The following PHACTR1 variants were observed in gnomAD, a reference collection of about 807,000 sequenced individuals.
PHACTR1 encodes phosphatase and actin regulator 1.
Under a neutral mutation model 69.2 loss-of-function variants are expected in PHACTR1, and 16 were observed. That is an observed-to-expected ratio of 0.23 (90% CI 0.16 to 0.35). PHACTR1 has a LOEUF of 0.35. Among genes scored for constraint, PHACTR1 ranks in the 10% least tolerant of loss-of-function variants. The probability of loss-of-function intolerance (pLI) is 1.00; values close to 1 mark genes in which losing one functional copy is unlikely to be tolerated. For missense variants in PHACTR1, 510 were observed against 734.7 expected (o/e 0.69, Z 3.54); for synonymous variants, 312 against 284.5 (o/e 1.10, Z -0.97).
intron 6 of PHACTR1, among the ~76,000 whole-genome samples, chr6:13,176,097 C>G (rs975431685): frequency 6.6e-6 from 1 of 152,104 alleles, no homozygotes; most frequent in African/African-American, 2.4e-5. Context: ...CATGTAGAAA[C>G]CAGAGGAATG....
At chr6:13,022,844 C>T (rs1340255049) in intron 4 of PHACTR1, among the ~76,000 whole-genome samples, 2 of 151,894 alleles carry the variant, frequency 1.3e-5, no homozygotes, top group Non-Finnish European at 2.9e-5. Context: ...TGGCGAAACC[C>T]CGTCTCTACA....
intron 4 of PHACTR1, among the ~76,000 whole-genome samples, chr6:12,965,824 C>A (rs1481173749): frequency 6.6e-6 from 1 of 152,158 alleles, no homozygotes; most frequent in African/African-American, 2.4e-5. Flanking sequence ...TGAGACAAAA[C>A]TGCCATAAAT....
intron 4 of PHACTR1, among the ~76,000 whole-genome samples, chr6:12,964,192 A>C (rs998457990): frequency 2.0e-5 from 3 of 152,216 alleles, no homozygotes; most frequent in Non-Finnish European, 2.9e-5. Context: ...TCTAAAGACA[A>C]GGTATTGTGC....
chr6:13,129,374 A>T (rs907075359), intron 5 of PHACTR1, among the ~76,000 whole-genome samples: 1 of 152,162 alleles, frequency 6.6e-6, no homozygotes, highest in African/African-American at 2.4e-5. Flanking sequence ...AGAATGAATA[A>T]AAAAATCCAC....
At chr6:12,794,082 A>C (rs565599226) in intron 4 of PHACTR1, among the ~76,000 whole-genome samples, 28 of 152,322 alleles carry the variant, frequency 1.8e-4, no homozygotes, top group African/African-American at 5.5e-4. Context: ...TTAGAAAAAT[A>C]AGTTAATCTT....
At chr6:12,819,076 A>T (rs1775910404) in intron 4 of PHACTR1, among the ~76,000 whole-genome samples, 1 of 152,216 alleles carries the variant, frequency 6.6e-6, no homozygotes, top group South Asian at 2.1e-4. Flanking sequence ...GTGACTTGAA[A>T]ACCATGAACA....
intron 10 of PHACTR1, among the ~76,000 whole-genome samples, chr6:13,250,068 T>C (rs1050087933): frequency 1.1e-4 from 16 of 152,152 alleles, no homozygotes; most frequent in Admixed American, 3.9e-4. Flanking sequence ...ATTTACCTGC[T>C]CTCTGTGGCT....
chr6:12,885,161 G>A lies in PHACTR1; in HGVS notation c.250+135371G>A, dbSNP rs77118639. On this transcript the variant is annotated intron_variant, in intron 4 of 14. Transcript: ENST00000332995. ...GAGTGAGGTTGCCACACATCCCTGC[G>A]GAATGCAGGGAAGGTCCCGTGGAAC... is the stretch of plus-strand genomic sequence containing the variant. Among the ~76,000 whole-genome samples the A allele has an allele frequency of 6.2e-4, 94 of 152,284 alleles. 1 individual carries two copies. Among genetic ancestry groups the A allele is most frequent in the Admixed American group, 1.2e-3 (19 of 15,308 alleles).
intron 3 of PHACTR1, among the ~76,000 whole-genome samples, chr6:12,720,511 G>A (rs1428621330): frequency 6.6e-6 from 1 of 152,192 alleles, no homozygotes. Context: ...GGAGTGGTCA[G>A]AATTGTCACC....
chr6:13,283,172 G>T lies in PHACTR1; in HGVS notation c.1510-250G>T. On this transcript the variant is annotated intron_variant, in intron 12 of 14. Transcript: ENST00000332995. The surrounding 1 kb of genome is among the most constrained non-coding windows in gnomAD (Gnocchi z 4.7). ...TTTTTTAAGTTTAAAAAAAAAAAGA[G>T]CTTGGCCTAGAGGGTATGTAAGGGA... 1 of 301,400 alleles carries T rather than the reference G, an allele frequency of 3.3e-6. No homozygotes were observed. Among genetic ancestry groups the T allele is most frequent in the Non-Finnish European group, 5.9e-6 (1 of 168,298 alleles). 18.7% of individuals were successfully genotyped at this position (301,400 alleles called of 1,614,324 possible). A position where few individuals can be genotyped will look rare whatever the true frequency, so the allele number is the denominator to read the frequency against.
At chr6:13,262,175 C>CAG (rs1399418048) in intron 10 of PHACTR1, among the ~76,000 whole-genome samples, 1 of 151,996 alleles carries the variant, frequency 6.6e-6, no homozygotes, top group Admixed American at 6.6e-5. Flanking sequence ...TAGATGGAAT[C>CAG]AGAGATGGTT....
chr6:13,191,247 A>C (rs1231840071), intron 7 of PHACTR1, among the ~76,000 whole-genome samples: 3 of 152,180 alleles, frequency 2.0e-5, no homozygotes, highest in Admixed American at 6.5e-5. Context: ...TAAATGGAAA[A>C]AAAATGAATG....
chr6:13,028,138 T>TTTTG (rs199886347), intron 4 of PHACTR1, among the ~76,000 whole-genome samples: 3 of 152,180 alleles, frequency 2.0e-5, no homozygotes, highest in Admixed American at 6.5e-5. Context: ...ATGTCTTGTT[T>TTTTG]TTTGTTTGTT....
chr6:13,049,214 T>C (rs547419312), intron 4 of PHACTR1, among the ~76,000 whole-genome samples: 41 of 152,196 alleles, frequency 2.7e-4, no homozygotes, highest in East Asian at 1.2e-3. Context: ...TTCTTAAAGA[T>C]GTGATTATGG....
intron 4 of PHACTR1, among the ~76,000 whole-genome samples, chr6:12,847,357 A>G (rs1779394591): frequency 6.6e-6 from 1 of 152,236 alleles, no homozygotes; most frequent in South Asian, 2.1e-4. Context: ...AAGATTCAGC[A>G]ATCTCATCTA....
rs574429695 is a variant in PHACTR1 at position 12,933,397 on chromosome 6, A to G, written c.251-119968A>G. ...TCATGGAAAAGGACATATTTAATAAACTAGATGTTTAAAGGGATAATTTTA... is the reference window on the plus strand; with the variant it reads ...TCATGGAAAAGGACATATTTAATAAGCTAGATGTTTAAAGGGATAATTTTA... On this transcript the variant is annotated intron_variant, in intron 4 of 14. Transcript: ENST00000332995. Among the ~76,000 whole-genome samples, 13 of 152,362 alleles carry G rather than the reference A, an allele frequency of 8.5e-5. No individual in the cohort carries two copies. The East Asian group carries it at 1.7e-3, about 20-fold the overall frequency.
intron 4 of PHACTR1, among the ~76,000 whole-genome samples, chr6:12,752,081 C>T (rs1766691017): frequency 6.6e-6 from 1 of 152,194 alleles, no homozygotes; most frequent in Admixed American, 6.5e-5. Context: ...CCTACTGCTC[C>T]GCTGCTCAAA....
chr6:13,168,120 A>G (rs1760081012), intron 6 of PHACTR1, among the ~76,000 whole-genome samples: 1 of 152,200 alleles, frequency 6.6e-6, no homozygotes, highest in Admixed American at 6.5e-5. Flanking sequence ...TAGAAATGGC[A>G]TTTTCTGAAA....
At chr6:12,830,155 A>AAGAAAGAAAGAAAGAC (rs1561924078) in intron 4 of PHACTR1, among the ~76,000 whole-genome samples, 12 of 143,258 alleles carry the variant, frequency 8.4e-5, no homozygotes, top group African/African-American at 5.1e-5. Context: ...GAAAGAAAGA[A>AAGAAAGAAAGAAAGAC]AGACATCTTC....
Sources: allele counts gnomAD v4.1 joint callset (sites outside exome capture counted in the v4.1 genomes callset), GRCh38; gene constraint gnomAD v4.1.1; non-coding constraint Gnocchi (gnomAD v3.1); transcripts MANE v1.5; gene names NCBI Gene and HGNC (gene_info 2026-07-23, HGNC 2026-07-21).